The following WDPCP variants were observed in gnomAD, a reference collection of about 807,000 sequenced individuals.
The protein encoded by WDPCP is WD repeat containing planar cell polarity effector.
WDPCP carries 71 observed loss-of-function variants against 93.1 expected under a neutral mutation model. The observed-to-expected ratio is 0.76, with a 90% confidence interval of 0.63 to 0.93. The LOEUF (loss-of-function observed/expected upper bound fraction) is 0.93, where lower values mean the gene tolerates loss of function less well. Among genes scored for constraint, WDPCP ranks in the 40% least tolerant of loss-of-function variants. The pLI is 0.00. For synonymous variants in WDPCP, 315 were observed against 315.0 expected (o/e 1.00, Z 0.00); for missense variants, 844 against 887.4 (o/e 0.95, Z 0.62).
chr2:63,273,655 C>G (rs1357951092), intron 13 of WDPCP, among the ~76,000 whole-genome samples: 2 of 151,700 alleles, frequency 1.3e-5, no homozygotes, highest in Non-Finnish European at 2.9e-5. Flanking sequence ...AAATGGAAAC[C>G]AACAATGAAT....
At chr2:63,596,920 G>C (rs546993268) in intron 3 of WDPCP, among the ~76,000 whole-genome samples, 11 of 152,260 alleles carry the variant, frequency 7.2e-5, no homozygotes, top group South Asian at 4.1e-4. Flanking sequence ...AAAATCAGAA[G>C]ATTAAATTTG....
intron 10 of WDPCP, 152 bp downstream of exon 10, chr2:63,403,896 C>T: frequency 9.5e-7 from 1 of 1,049,912 alleles, no homozygotes; most frequent in Non-Finnish European, 1.4e-6. Flanking sequence ...GAAAGTCATC[C>T]ACAAAAGGGA....
At chr2:63,635,741 C>T (rs1709914272) in intron 3 of WDPCP, among the ~76,000 whole-genome samples, 1 of 152,146 alleles carries the variant, frequency 6.6e-6, no homozygotes, top group Non-Finnish European at 1.5e-5. Context: ...AAGCTCCCAG[C>T]TAATATCATT....
chr2:63,251,500 T>G (rs1268604189), intron 14 of WDPCP, among the ~76,000 whole-genome samples: 4 of 145,294 alleles, frequency 2.8e-5, no homozygotes, highest in Admixed American at 2.0e-4. Flanking sequence ...TTTTTTTTTT[T>G]TTTTTTTTTG....
chr2:63,803,719 T>TTTA (rs1367845591), intron 2 of WDPCP, among the ~76,000 whole-genome samples: 2 of 152,198 alleles, frequency 1.3e-5, no homozygotes, highest in African/African-American at 2.4e-5. Flanking sequence ...ACCTATTTAT[T>TTTA]ATTACTAAGG....
At chr2:63,684,393 G>T (rs760236820) in intron 2 of WDPCP, 75 of 794,318 alleles carry the variant, frequency 9.4e-5, no homozygotes, top group Non-Finnish European at 1.4e-4. Context: ...GAAGAACATT[G>T]ATGATGGCAC....
rs1698624463 is a variant in WDPCP at position 63,456,399 on chromosome 2, AGAGT to A, written c.385-16532_385-16529del. Among the ~76,000 whole-genome samples the A allele has an allele frequency of 2.0e-5, 3 of 152,176 alleles. No homozygotes were observed. In the South Asian group the frequency reaches 6.2e-4, roughly 32 times the overall value. Reference sequence around the variant, plus strand: ...GCCACTGCACTCCAGCCTGGGCAACAGAGTGAGTGAGATTCTGTCTAAAATAAAT... The same window carrying A: ...GCCACTGCACTCCAGCCTGGGCAACAGAGTGAGATTCTGTCTAAAATAAAT... On this transcript the variant is annotated intron_variant, in intron 6 of 17. Transcript: ENST00000272321.
intron 15 of WDPCP, among the ~76,000 whole-genome samples, chr2:63,170,661 T>G (rs972930683): frequency 6.6e-6 from 1 of 152,210 alleles, no homozygotes; most frequent in African/African-American, 2.4e-5. Flanking sequence ...TTATACAGTT[T>G]TCTTTGACAT....
chr2:63,389,749 G>A, intron 10 of WDPCP, among the ~76,000 whole-genome samples: 1 of 152,114 alleles, frequency 6.6e-6, no homozygotes, highest in Non-Finnish European at 1.5e-5. Context: ...TGCAATCCTA[G>A]GGTCTGATAA....
At chr2:63,558,027 G>A (rs748332500) in intron 1 of WDPCP, among the ~76,000 whole-genome samples, 23 of 152,038 alleles carry the variant, frequency 1.5e-4, no homozygotes, top group Non-Finnish European at 1.6e-4. Flanking sequence ...AGTACTAAAT[G>A]CCCACATCAA....
intron 2 of WDPCP, among the ~76,000 whole-genome samples, chr2:63,750,243 A>T (rs992830844): frequency 6.6e-6 from 1 of 152,080 alleles, no homozygotes; most frequent in Non-Finnish European, 1.5e-5. Context: ...GCACTAAAAT[A>T]AATTTCTCTT....
Position 63,707,732 on chromosome 2 carries a change from T to C in WDPCP, n.309-56894A>G, listed in dbSNP as rs10179492. Among the ~76,000 whole-genome samples the C allele has an allele frequency of 7.7e-4, 118 of 152,350 alleles. No individual in the cohort carries two copies. In the Middle Eastern group the frequency reaches 0.01, roughly 13 times the overall value. On this transcript the variant is annotated intron_variant and non_coding_transcript_variant, in intron 2 of 4. Transcript: ENST00000467687. ...TTTTTAGAGTTTCCGGTTTTTCTGC[T>C]CTGTTTTTTCCCCATCTTTGTGGTT...
intron 14 of WDPCP, among the ~76,000 whole-genome samples, chr2:63,181,948 G>A (rs1198228240): frequency 1.3e-5 from 2 of 151,526 alleles, no homozygotes; most frequent in African/African-American, 4.8e-5. Context: ...AGCTATTGTA[G>A]TTCTTGATTT....
At chr2:63,521,746 T>C (rs1343219067) in intron 1 of WDPCP, among the ~76,000 whole-genome samples, 4 of 152,092 alleles carry the variant, frequency 2.6e-5, no homozygotes, top group African/African-American at 9.7e-5. Flanking sequence ...CATCTGGGCA[T>C]AGCACATACT....
At chr2:63,577,288 A>G (rs756499141) in intron 1 of WDPCP, among the ~76,000 whole-genome samples, 9 of 152,202 alleles carry the variant, frequency 5.9e-5, no homozygotes, top group Non-Finnish European at 8.8e-5. Flanking sequence ...TGGTTCAGTC[A>G]GACAGCTTTT....
chr2:63,763,065 G>A (rs1339298567), intron 2 of WDPCP, among the ~76,000 whole-genome samples: 5 of 152,104 alleles, frequency 3.3e-5, no homozygotes, highest in Non-Finnish European at 7.4e-5. Flanking sequence ...TTCTGATGCA[G>A]CTCTCTCTAT....
intron 17 of WDPCP, among the ~76,000 whole-genome samples, chr2:63,151,689 T>C (rs59793326): frequency 0.037 from 5,652 of 152,256 alleles, 370 homozygotes; most frequent in African/African-American, 0.13. Flanking sequence ...CAAATAAAGA[T>C]TATTATTTTT....
chr2:63,683,015 T>G (rs950842518), intron 2 of WDPCP, among the ~76,000 whole-genome samples: 7 of 152,210 alleles, frequency 4.6e-5, no homozygotes, highest in African/African-American at 1.4e-4. Flanking sequence ...AGTGTTAAAT[T>G]GTCATCAGTT....
At chr2:63,753,714 C>T (rs1178552177) in intron 2 of WDPCP, among the ~76,000 whole-genome samples, 1 of 152,180 alleles carries the variant, frequency 6.6e-6, no homozygotes, top group Non-Finnish European at 1.5e-5. Flanking sequence ...GGTGTTAAGC[C>T]ATGAGAAACC....
Sources: gnomAD v4.1 joint callset for allele counts (sites outside exome capture counted in the v4.1 genomes callset) on GRCh38, gnomAD v4.1.1 for gene constraint, MANE v1.5 for transcripts, NCBI Gene and HGNC (gene_info 2026-07-23, HGNC 2026-07-21) for gene names.